The following ZDHHC15 variants were observed in gnomAD, a reference collection of about 807,000 sequenced individuals.
ZDHHC15 encodes zDHHC palmitoyltransferase 15, also known as palmitoyltransferase ZDHHC15.
A neutral mutation model predicts 31.7 loss-of-function variants in ZDHHC15; 19 were observed. The observed-to-expected ratio is 0.60, with a 90% CI of 0.42 to 0.88. The LOEUF (loss-of-function observed/expected upper bound fraction) is 0.88, where lower values mean the gene tolerates loss of function less well. Among genes scored for constraint, ZDHHC15 ranks in the 40% least tolerant of loss-of-function variants. The probability of loss-of-function intolerance (pLI) is 0.00; values close to 1 mark genes in which losing one functional copy is unlikely to be tolerated. For missense variants in ZDHHC15, 209 were observed against 251.2 expected, an observed-to-expected ratio of 0.83 and a Z score of 1.14; for synonymous variants, 103 against 90.0, an observed-to-expected ratio of 1.14 and a Z score of -0.82.
At chrX:75,417,360 C>G (rs183663004) in intron 9 of ZDHHC15, among the ~76,000 whole-genome samples, 170 bp from the exon 10 acceptor site, 5 of 111,733 alleles carry the variant, frequency 4.5e-5, no homozygotes, top group African/African-American at 1.6e-4. Context: ...ATATTGCTCT[C>G]GATTTCCATA....
chrX:75,462,039 C>T (rs1164996779), intron 3 of ZDHHC15, among the ~76,000 whole-genome samples: 2 of 111,762 alleles, frequency 1.8e-5, no homozygotes, highest in South Asian at 3.7e-4. Context: ...GAGACCATCT[C>T]AAGTGCAAAG....
intron 10 of ZDHHC15, among the ~76,000 whole-genome samples, chrX:75,407,073 T>A (rs2083419689): frequency 8.9e-6 from 1 of 112,434 alleles, no homozygotes; most frequent in South Asian, 3.7e-4. Context: ...CCTCCCAAAG[T>A]GCCGAGATTG....
chrX:75,517,680 A>G (rs1028154022), intron 1 of ZDHHC15, among the ~76,000 whole-genome samples: 13 of 109,155 alleles, frequency 1.2e-4, no homozygotes, highest in Admixed American at 1.2e-3. Context: ...TGGCACATGT[A>G]TACATATGTA....
At chrX:75,391,331 C>G (rs1473293797) in intron 10 of ZDHHC15, among the ~76,000 whole-genome samples, 1 of 111,586 alleles carries the variant, frequency 9.0e-6, no homozygotes, top group Non-Finnish European at 1.9e-5. Context: ...CAGAATTTCC[C>G]AAACCTAGAG....
intron 2 of ZDHHC15, among the ~76,000 whole-genome samples, chrX:75,494,631 T>C (rs1183145616): frequency 8.9e-6 from 1 of 111,871 alleles, no homozygotes; most frequent in Non-Finnish European, 1.9e-5. Context: ...TAATGCCGCT[T>C]ATCTACAACC....
intron 10 of ZDHHC15, among the ~76,000 whole-genome samples, chrX:75,397,692 A>G (rs1569309753): frequency 9.0e-6 from 1 of 111,596 alleles, no homozygotes; most frequent in East Asian, 2.8e-4. Context: ...CAAGACCTTC[A>G]ACCGAAATAT....
At chrX:75,403,143 G>A (rs930821330) in intron 10 of ZDHHC15, among the ~76,000 whole-genome samples, 4 of 112,054 alleles carry the variant, frequency 3.6e-5, no homozygotes, top group Admixed American at 9.4e-5. Flanking sequence ...AAAACCACAT[G>A]ATTATCTCAA....
At chrX:75,467,563 C>G (rs2084427102) in intron 3 of ZDHHC15, among the ~76,000 whole-genome samples, 1 of 111,985 alleles carries the variant, frequency 8.9e-6, no homozygotes, top group Non-Finnish European at 1.9e-5. Context: ...CCAATGTACT[C>G]TCCTTTTCTT....
intron 3 of ZDHHC15, among the ~76,000 whole-genome samples, chrX:75,473,478 C>G (rs1390100762): frequency 9.0e-6 from 1 of 110,700 alleles, no homozygotes; most frequent in Non-Finnish European, 1.9e-5. Flanking sequence ...GATGGAGGAA[C>G]ATTGCCACCA....
In ZDHHC15 at chrX:75,522,954, G is replaced by A; in HGVS notation, c.71C>T (p.Pro24Leu). The A allele has an allele frequency of 8.3e-7, 1 of 1,211,874 alleles. No individual in the cohort carries two copies. Among genetic ancestry groups the A allele is most frequent in the Non-Finnish European group, 1.1e-6 (1 of 895,466 alleles). The change falls in exon 1 of 12, where the codon CCA (proline) becomes CTA (leucine). Residue 24 changes from proline to leucine, a missense_variant. Transcript: ENST00000373367. ...CACGACGAGGACAATAACGAGCACT[G>A]GCACCCAGGACAGTACCCGGCGGCA... ...RCCRRVLSWV[P>L]VLVIVLVVLW...
chrX:75,480,980 T>C (rs1286544004), intron 2 of ZDHHC15, among the ~76,000 whole-genome samples: 1 of 111,601 alleles, frequency 9.0e-6, no homozygotes, highest in African/African-American at 3.3e-5. Context: ...TCCATTGCCC[T>C]CTAGAATTCA....
chrX:75,463,083 T>A (rs1462949825), intron 3 of ZDHHC15, among the ~76,000 whole-genome samples: 1 of 111,332 alleles, frequency 9.0e-6, no homozygotes, highest in Non-Finnish European at 1.9e-5. Context: ...TCAGGGGATA[T>A]CACCACTGAT....
intron 10 of ZDHHC15, among the ~76,000 whole-genome samples, chrX:75,398,109 C>T (rs2083317264): frequency 8.9e-6 from 1 of 112,165 alleles, no homozygotes; most frequent in Non-Finnish European, 1.9e-5. Context: ...ACAGGCCTCA[C>T]TTCCATGGCA....
At chrX:75,403,241 G>A (rs1255947672) in intron 10 of ZDHHC15, among the ~76,000 whole-genome samples, 1 of 111,476 alleles carries the variant, frequency 9.0e-6, no homozygotes, top group Non-Finnish European at 1.9e-5. Flanking sequence ...AAAATAATAA[G>A]AGCCATCTAT....
intron 7 of ZDHHC15, among the ~76,000 whole-genome samples, chrX:75,427,872 G>A (rs1194087815): frequency 9.0e-6 from 1 of 111,035 alleles, no homozygotes; most frequent in Non-Finnish European, 1.9e-5. Flanking sequence ...AACTGATTAA[G>A]CAAGTTGAAA....
chrX:75,422,569 G>T, intron 8 of ZDHHC15, among the ~76,000 whole-genome samples: 1 of 111,596 alleles, frequency 9.0e-6, no homozygotes, highest in African/African-American at 3.3e-5. Context: ...CCATGTTAGT[G>T]CACATTATTT....
rs2082982637 is a variant in ZDHHC15, at chrX:75,369,047, T to A, written c.*3931A>T. The A allele has an allele frequency of 9.0e-6, 1 of 111,712 alleles. No individual in the cohort carries two copies. Among genetic ancestry groups the A allele is most frequent in the Non-Finnish European group, 1.9e-5 (1 of 53,160 alleles). The allele number at this position is 111,712 out of a possible 1,213,427, so 9.2% of individuals were successfully genotyped here. ...CCTCATCAACCAATTCCTAACGAGA[T>A]GGAACTCATTAATTTTCTAAGAATA... is the stretch of plus-strand genomic sequence containing the variant. On this transcript the variant is annotated 3_prime_UTR_variant, in exon 12 of 12. Transcript: ENST00000373367.
intron 4 of ZDHHC15, among the ~76,000 whole-genome samples, chrX:75,442,572 C>T (rs759756599): frequency 2.2e-4 from 25 of 111,816 alleles, no homozygotes; most frequent in South Asian, 3.7e-4. Flanking sequence ...GAATAAAATA[C>T]GTAGGAATCC....
intron 3 of ZDHHC15, among the ~76,000 whole-genome samples, chrX:75,460,613 C>G (rs1316869893): frequency 2.7e-5 from 3 of 110,423 alleles, no homozygotes; most frequent in African/African-American, 9.9e-5. Flanking sequence ...TGTTTCACAG[C>G]CTTCACTGGT....
Sources: gnomAD v4.1 joint callset for allele counts (sites outside exome capture counted in the v4.1 genomes callset) on GRCh38, gnomAD v4.1.1 for gene constraint, MANE v1.5 for transcripts, NCBI Gene and HGNC (gene_info 2026-07-23, HGNC 2026-07-21) for gene names.